The following GABRB1 variants were observed in gnomAD, a reference collection of about 807,000 sequenced individuals.
GABRB1 encodes the protein gamma-aminobutyric acid receptor subunit beta-1.
Under a neutral mutation model 51.6 loss-of-function variants are expected in GABRB1, and 17 were observed. The ratio of observed to expected loss-of-function variants is 0.33; its 90% confidence interval spans 0.23 to 0.49. The LOEUF is 0.49. Ranked by LOEUF, GABRB1 falls within the 20% of genes least tolerant of loss-of-function variation. GABRB1 has a pLI of 0.99. For synonymous variants in GABRB1, 247 were observed against 218.9 expected, an observed-to-expected ratio of 1.13 and a Z score of -1.14; for missense variants, 410 against 600.6, an observed-to-expected ratio of 0.68 and a Z score of 3.32.
intron 3 of GABRB1, among the ~76,000 whole-genome samples, chr4:47,033,844 A>G (rs1725441342): frequency 6.6e-6 from 1 of 152,176 alleles, no homozygotes; most frequent in Non-Finnish European, 1.5e-5. Context: ...TCGTGCTGGA[A>G]AAAGAAACTC....
chr4:47,014,756 G>T (rs927929835), intron 1 of GABRB1, among the ~76,000 whole-genome samples: 13 of 152,036 alleles, frequency 8.6e-5, no homozygotes, highest in African/African-American at 2.9e-4. Context: ...AAAACCACAG[G>T]TTTAAATTTG....
intron 5 of GABRB1, among the ~76,000 whole-genome samples, chr4:47,382,896 T>C (rs1727643300): frequency 6.6e-6 from 1 of 152,196 alleles, no homozygotes; most frequent in South Asian, 2.1e-4. Flanking sequence ...AAATCAATTC[T>C]AGCAAAACCA....
chr4:47,321,061 A>G (rs1253446179), intron 5 of GABRB1, among the ~76,000 whole-genome samples: 1 of 152,198 alleles, frequency 6.6e-6, no homozygotes, highest in Non-Finnish European at 1.5e-5. Context: ...ATTATTTCTC[A>G]GCCATCAGCC....
At chr4:47,059,269 C>A (rs1012013375) in intron 3 of GABRB1, among the ~76,000 whole-genome samples, 1 of 152,080 alleles carries the variant, frequency 6.6e-6, no homozygotes. Flanking sequence ...TGCTGTTTAC[C>A]CCTAGGTTTG....
intron 4 of GABRB1, among the ~76,000 whole-genome samples, chr4:47,292,806 G>A (rs1457958569): frequency 6.6e-6 from 1 of 152,168 alleles, no homozygotes; most frequent in Non-Finnish European, 1.5e-5. Flanking sequence ...GACAAGAAAG[G>A]GTAAGAGACA....
rs150549819 is a variant in GABRB1, at chr4:47,358,794, T to A, written c.544+38585T>A. On this transcript the variant is annotated intron_variant, in intron 5 of 8. Transcript: ENST00000295454. ...CAGTAGTAATTTCAATGAACCCGAA[T>A]GTAACTGTAATGTAAATGTAACTTG... Among the ~76,000 whole-genome samples the A allele has an allele frequency of 4.8e-4, 73 of 152,272 alleles. No individual in the cohort carries two copies. The East Asian group carries it at 9.3e-3, about 19-fold the overall frequency.
At chr4:47,147,848 A>G (rs1717242262) in intron 3 of GABRB1, among the ~76,000 whole-genome samples, 1 of 152,116 alleles carries the variant, frequency 6.6e-6, no homozygotes, top group South Asian at 2.1e-4. Context: ...AGAAACAAGC[A>G]AGAAGTGTGA....
chr4:47,388,158 G>T (rs1727867463), intron 5 of GABRB1, among the ~76,000 whole-genome samples: 1 of 152,122 alleles, frequency 6.6e-6, no homozygotes, highest in South Asian at 2.1e-4. Flanking sequence ...AGTATAACAT[G>T]TTAACAAATA....
chr4:47,082,906 G>A (rs1056461715), intron 3 of GABRB1, among the ~76,000 whole-genome samples: 2 of 152,058 alleles, frequency 1.3e-5, no homozygotes, highest in African/African-American at 2.4e-5. Flanking sequence ...GCCAATTCAG[G>A]AGACATCCAG....
chr4:47,019,623 CTCTCTT>C (rs1341642839), intron 1 of GABRB1, among the ~76,000 whole-genome samples: 8 of 96,396 alleles, frequency 8.3e-5, no homozygotes, highest in Non-Finnish European at 1.3e-4. Flanking sequence ...CTTTCTTTCT[CTCTCTT>C]TCTTTCTTTC....
chr4:47,100,117 A>G (rs1714657086), intron 3 of GABRB1, among the ~76,000 whole-genome samples: 1 of 152,004 alleles, frequency 6.6e-6, no homozygotes, highest in Non-Finnish European at 1.5e-5. Context: ...TTTGCTTTAT[A>G]TTTTCAAGGA....
chr4:47,322,945 TGTGACAGA>T (rs1725135438), intron 5 of GABRB1, among the ~76,000 whole-genome samples: 1 of 151,054 alleles, frequency 6.6e-6, no homozygotes, highest in Non-Finnish European at 1.5e-5. Flanking sequence ...CTCCAGCCTG[TGTGACAGA>T]GTGAGACTCC....
chr4:47,065,425 C>G (rs1727034169), intron 3 of GABRB1, among the ~76,000 whole-genome samples: 1 of 152,222 alleles, frequency 6.6e-6, no homozygotes, highest in Admixed American at 6.5e-5. Flanking sequence ...CTCAGGATAG[C>G]TAGGCAGCTC....
chr4:47,159,775 A>G (rs1717857192), intron 3 of GABRB1, among the ~76,000 whole-genome samples: 1 of 152,060 alleles, frequency 6.6e-6, no homozygotes, highest in African/African-American at 2.4e-5. Context: ...GGAAGTCTAT[A>G]TGAAGTGCAG....
At chr4:47,423,658 G>A (rs1729164489) in intron 8 of GABRB1, among the ~76,000 whole-genome samples, 1 of 152,196 alleles carries the variant, frequency 6.6e-6, no homozygotes, top group Non-Finnish European at 1.5e-5. Context: ...GATTTAAATT[G>A]AGCCTTGGCC....
chr4:47,299,629 T>G (rs567569554), intron 4 of GABRB1, among the ~76,000 whole-genome samples: 2,383 of 152,242 alleles, frequency 0.016, 17 homozygotes, highest in Non-Finnish European at 0.025. Flanking sequence ...GGAACACTTT[T>G]ACACTGTTGG....
chr4:47,294,463 C>T (rs1029343064), intron 4 of GABRB1, among the ~76,000 whole-genome samples: 9 of 152,254 alleles, frequency 5.9e-5, no homozygotes, highest in African/African-American at 9.6e-5. Context: ...ATAACCCGCA[C>T]GTGGCTCGGA....
intron 4 of GABRB1, among the ~76,000 whole-genome samples, chr4:47,183,326 T>C (rs1220064365): frequency 7.7e-6 from 1 of 129,578 alleles, no homozygotes; most frequent in Non-Finnish European, 1.6e-5. Flanking sequence ...ATATAACATC[T>C]TATCTGTATG....
chr4:47,257,801 C>T (rs1477471507), intron 4 of GABRB1, among the ~76,000 whole-genome samples: 1 of 151,780 alleles, frequency 6.6e-6, no homozygotes, highest in South Asian at 2.1e-4. Flanking sequence ...CCATATATGA[C>T]ACTGAGAGTC....
Sources: gnomAD v4.1 joint callset for allele counts (sites outside exome capture counted in the v4.1 genomes callset) on GRCh38, gnomAD v4.1.1 for gene constraint, MANE v1.5 for transcripts, NCBI Gene and HGNC (gene_info 2026-07-23, HGNC 2026-07-21) for gene names.